Variants in PDE4D observed in about 807,000 individuals in gnomAD.
PDE4D encodes phosphodiesterase 4D.
In PDE4D, 24 loss-of-function variants were observed where a neutral mutation model predicts 87.4. The observed-to-expected ratio is 0.27, with a 90% confidence interval of 0.20 to 0.39. The LOEUF (loss-of-function observed/expected upper bound fraction) is 0.39. Among genes scored for constraint, PDE4D ranks in the 10% least tolerant of loss-of-function variants. PDE4D has a pLI of 1.00. For missense variants in PDE4D, 714 were observed against 1,041.0 expected (o/e 0.69, Z 4.32); for synonymous variants, 384 against 383.2 (o/e 1.00, Z -0.02).
chr5:59,636,444 A>AAAAC (rs944642243), intron 1 of PDE4D, among the ~76,000 whole-genome samples: 2 of 152,060 alleles, frequency 1.3e-5, no homozygotes, highest in African/African-American at 4.8e-5. Context: ...AGCAAAAGAA[A>AAAAC]AAACAAACAA....
chr5:59,802,276 G>A (rs1348394079), intron 1 of PDE4D, among the ~76,000 whole-genome samples: 3 of 151,298 alleles, frequency 2.0e-5, no homozygotes, highest in African/African-American at 4.9e-5. Context: ...ATGCCAACAC[G>A]CAGCCATATC....
intron 1 of PDE4D, among the ~76,000 whole-genome samples, chr5:60,330,466 A>C (rs1757221479): frequency 6.6e-6 from 1 of 152,214 alleles, no homozygotes; most frequent in South Asian, 2.1e-4. Context: ...CCAACAGCAG[A>C]GAATGGTCTT....
chr5:59,076,998 G>C (rs1765784457), intron 5 of PDE4D, among the ~76,000 whole-genome samples: 1 of 152,154 alleles, frequency 6.6e-6, no homozygotes, highest in Non-Finnish European at 1.5e-5. Context: ...TACTAAATAA[G>C]TTTCTTTGCA....
At chr5:60,434,756 A>G (rs1446471277) in intron 1 of PDE4D, among the ~76,000 whole-genome samples, 1 of 152,092 alleles carries the variant, frequency 6.6e-6, no homozygotes, top group Non-Finnish European at 1.5e-5. Context: ...CAATGCACCA[A>G]CAATGATGAG....
chr5:59,571,420 C>T (rs984796079), intron 1 of PDE4D, among the ~76,000 whole-genome samples: 10 of 152,106 alleles, frequency 6.6e-5, no homozygotes, highest in African/African-American at 1.4e-4. Context: ...GGAGAAAGCA[C>T]GCAACCCAAA....
intron 1 of PDE4D, among the ~76,000 whole-genome samples, chr5:59,813,982 A>C (rs1327183517): frequency 6.6e-6 from 1 of 152,216 alleles, no homozygotes; most frequent in Admixed American, 6.5e-5. Context: ...ATAAAACTCT[A>C]TATTCTGTCC....
chr5:59,835,504 T>C (rs1454785614), intron 1 of PDE4D, among the ~76,000 whole-genome samples: 2 of 152,094 alleles, frequency 1.3e-5, no homozygotes, highest in Non-Finnish European at 2.9e-5. Context: ...CAGTCATTAC[T>C]AATTTTTTCA....
intron 2 of PDE4D, chr5:60,032,870 T>C (rs930306303): frequency 2.0e-5 from 3 of 152,212 alleles, no homozygotes; most frequent in Admixed American, 2.0e-4. Context: ...ACTACATTCA[T>C]CTTGGAAATC....
intron 1 of PDE4D, among the ~76,000 whole-genome samples, chr5:59,480,025 G>A (rs747881208): frequency 4.0e-5 from 6 of 150,914 alleles, no homozygotes; most frequent in South Asian, 2.1e-4. Flanking sequence ...AATATCTTAC[G>A]GCATACAGAT....
chr5:59,480,589 T>C (rs1804088562), intron 1 of PDE4D, among the ~76,000 whole-genome samples: 1 of 152,140 alleles, frequency 6.6e-6, no homozygotes, highest in South Asian at 2.1e-4. Flanking sequence ...CCATGTTGGG[T>C]CACTGAGATT....
chr5:60,165,445 G>T (rs1217877193), intron 2 of PDE4D, among the ~76,000 whole-genome samples: 1 of 152,074 alleles, frequency 6.6e-6, no homozygotes, highest in Non-Finnish European at 1.5e-5. Context: ...CAGGTAGTGT[G>T]ATGCCTCCAG....
intron 1 of PDE4D, among the ~76,000 whole-genome samples, chr5:59,233,965 T>C (rs1186502265): frequency 1.3e-5 from 2 of 152,164 alleles, no homozygotes; most frequent in South Asian, 2.1e-4. Context: ...ACCAAATTCA[T>C]GGTGAGGCTA....
intron 2 of PDE4D, among the ~76,000 whole-genome samples, chr5:60,116,787 A>G (rs1451464934): frequency 1.3e-5 from 2 of 152,096 alleles, no homozygotes. Flanking sequence ...CTGGAATGCA[A>G]AAATAATATA....
intron 2 of PDE4D, among the ~76,000 whole-genome samples, chr5:60,148,902 C>T (rs538996106): frequency 7.2e-5 from 11 of 152,110 alleles, no homozygotes; most frequent in African/African-American, 1.9e-4. Context: ...TATATGTTGC[C>T]GTCTTTGAAA....
At chr5:60,039,778 C>G (rs143126566) in intron 2 of PDE4D, among the ~76,000 whole-genome samples, 4 of 151,976 alleles carry the variant, frequency 2.6e-5, no homozygotes, top group African/African-American at 9.7e-5. Context: ...CATAGATGTC[C>G]TTTCCTCAGT....
intron 1 of PDE4D, among the ~76,000 whole-genome samples, chr5:60,465,660 A>G (rs1747294597): frequency 6.6e-6 from 1 of 152,196 alleles, no homozygotes; most frequent in African/African-American, 2.4e-5. Flanking sequence ...CTCAACTTAC[A>G]GTGGGATTAT....
At chr5:60,234,370 T>C (rs1746176579) in intron 1 of PDE4D, among the ~76,000 whole-genome samples, 1 of 151,850 alleles carries the variant, frequency 6.6e-6, no homozygotes. Context: ...GGGTTGTTTC[T>C]ATTTTCTGCT....
At chr5:59,549,407 G>A (rs542716379) in intron 1 of PDE4D, among the ~76,000 whole-genome samples, 1 of 152,136 alleles carries the variant, frequency 6.6e-6, no homozygotes, top group Non-Finnish European at 1.5e-5. Context: ...AGAGTAGAGT[G>A]ACATTCGTTT....
At chr5:59,062,042 GC>G (rs1763207587) in intron 5 of PDE4D, among the ~76,000 whole-genome samples, 1 of 152,008 alleles carries the variant, frequency 6.6e-6, no homozygotes, top group Non-Finnish European at 1.5e-5. Flanking sequence ...CTTCTCCACT[GC>G]TTACTGTTAA....
Sources: gnomAD v4.1 joint callset for allele counts (sites outside exome capture counted in the v4.1 genomes callset) on GRCh38, gnomAD v4.1.1 for gene constraint, MANE v1.5 for transcripts, NCBI Gene and HGNC (gene_info 2026-07-23, HGNC 2026-07-21) for gene names.